ZNF423: variants seen among roughly 807,000 people sequenced by gnomAD.
ZNF423 encodes zinc finger protein 423.
A neutral mutation model predicts 95.8 loss-of-function variants in ZNF423; 12 were observed. The ratio of observed to expected loss-of-function variants is 0.13; its 90% CI spans 0.08 to 0.20. The LOEUF (loss-of-function observed/expected upper bound fraction) is 0.20, where lower values mean the gene tolerates loss of function less well. Among genes scored for constraint, ZNF423 ranks in the 10% least tolerant of loss-of-function variants. ZNF423 has a pLI of 1.00. For missense variants in ZNF423, 1,316 were observed against 1,737.1 expected, an observed-to-expected ratio of 0.76 and a Z score of 4.31; for synonymous variants, 749 against 711.9, an observed-to-expected ratio of 1.05 and a Z score of -0.83.
chr16:49,750,824 G>T (rs1333958889), intron 2 of ZNF423, among the ~76,000 whole-genome samples: 1 of 152,212 alleles, frequency 6.6e-6, no homozygotes, highest in Admixed American at 6.5e-5. Context: ...GTGAGGGAGG[G>T]AGAGCCTCAC....
chr16:49,512,809 T>G (rs1018944600), intron 7 of ZNF423, among the ~76,000 whole-genome samples: 1 of 152,238 alleles, frequency 6.6e-6, no homozygotes, highest in African/African-American at 2.4e-5. Context: ...TAGGAAATAA[T>G]GGGCGGCTGG....
intron 5 of ZNF423, among the ~76,000 whole-genome samples, chr16:49,598,209 A>G (rs1407213561): frequency 1.3e-5 from 2 of 152,246 alleles, no homozygotes; most frequent in African/African-American, 4.8e-5. Flanking sequence ...TAGCCTGACT[A>G]TACCTCCAGG....
chr16:49,573,848 A>C (rs1012947252), intron 5 of ZNF423, among the ~76,000 whole-genome samples: 55 of 152,200 alleles, frequency 3.6e-4, no homozygotes, highest in Admixed American at 2.6e-4. Context: ...ACCTTAGACA[A>C]GCCCCTTCCC....
chr16:49,712,031 G>A (rs944384436), intron 3 of ZNF423: 1 of 152,216 alleles, frequency 6.6e-6, no homozygotes, highest in African/African-American at 2.4e-5. Context: ...GCTGAGGCAG[G>A]AGAATCGCTT....
intron 3 of ZNF423, among the ~76,000 whole-genome samples, chr16:49,670,924 A>G (rs1028320054): frequency 1.3e-5 from 2 of 152,222 alleles, no homozygotes; most frequent in Non-Finnish European, 1.5e-5. Flanking sequence ...TGCAGCCTAG[A>G]TCGGAGGCTA....
intron 4 of ZNF423, among the ~76,000 whole-genome samples, chr16:49,633,865 C>T (rs542375668): frequency 1.3e-5 from 2 of 152,230 alleles, no homozygotes; most frequent in East Asian, 1.9e-4. Flanking sequence ...AGACTCCAGG[C>T]CCCAGCCAGA....
intron 1 of ZNF423, among the ~76,000 whole-genome samples, chr16:49,818,229 C>T (rs114691110): frequency 0.019 from 2,920 of 152,138 alleles, 92 homozygotes; most frequent in African/African-American, 0.065. Context: ...AGAGCAAAGC[C>T]ATATAAAAAT....
At chr16:49,822,305 C>G (rs150732319) in intron 1 of ZNF423, among the ~76,000 whole-genome samples, 2,447 of 152,086 alleles carry the variant, frequency 0.016, 24 homozygotes, top group Admixed American at 0.024. Flanking sequence ...TCCCAAGTAG[C>G]TGGGATTACA....
At chr16:49,741,435 A>G (rs1001298552) in intron 2 of ZNF423, among the ~76,000 whole-genome samples, 8 of 152,048 alleles carry the variant, frequency 5.3e-5, no homozygotes, top group African/African-American at 1.9e-4. Context: ...TGAACCTGGG[A>G]GGCAGAGATT....
chr16:49,523,573 G>C (rs1968487349), intron 7 of ZNF423, 51 bp downstream of exon 7: 1 of 1,521,074 alleles, frequency 6.6e-7, no homozygotes, highest in Non-Finnish European at 9.1e-7. Flanking sequence ...GGTGCTGACG[G>C]GGGAACCGAG....
At chr16:49,511,697 G>A (rs1967903905) in intron 7 of ZNF423, among the ~76,000 whole-genome samples, 1 of 152,198 alleles carries the variant, frequency 6.6e-6, no homozygotes, top group South Asian at 2.1e-4. Context: ...ACCACAAACT[G>A]CCACACATGG....
At chr16:49,730,472 T>C (rs1222230106) in intron 3 of ZNF423, 1 of 437,940 alleles carries the variant, frequency 2.3e-6, no homozygotes, top group Non-Finnish European at 4.1e-6. Flanking sequence ...CAAAAGGCCT[T>C]CCAGAAATTC....
chr16:49,590,012 G>A (rs1164984901), intron 5 of ZNF423, among the ~76,000 whole-genome samples: 1 of 112,760 alleles, frequency 8.9e-6, no homozygotes. Context: ...ATGGGATGGG[G>A]TAAAGGGGAA....
intron 2 of ZNF423, among the ~76,000 whole-genome samples, chr16:49,732,423 G>T (rs6500245): frequency 0.63 from 96,357 of 152,100 alleles, 30,685 homozygotes; most frequent in Admixed American, 0.69. Flanking sequence ...AGTGTGTGTT[G>T]TCTCTTCCCA....
At chr16:49,514,213 T>C (rs8051452) in intron 7 of ZNF423, among the ~76,000 whole-genome samples, 25,033 of 70,300 alleles carry the variant, frequency 0.36, 2,267 homozygotes, top group African/African-American at 0.52. Flanking sequence ...CACACACACA[T>C]GCACACGCAC....
intron 3 of ZNF423, among the ~76,000 whole-genome samples, chr16:49,716,790 G>A (rs1307748548): frequency 6.6e-6 from 1 of 152,210 alleles, no homozygotes; most frequent in East Asian, 1.9e-4. Context: ...GGGTGCTGGG[G>A]AGGCTGTGAC....
At chr16:49,700,482 C>T (rs2032142401) in intron 3 of ZNF423, among the ~76,000 whole-genome samples, 1 of 152,034 alleles carries the variant, frequency 6.6e-6, no homozygotes, top group African/African-American at 2.4e-5. Context: ...CTGACTGGGG[C>T]GGAGGGGCAG....
At chr16:49,792,877 G>A (rs950717389) in intron 1 of ZNF423, among the ~76,000 whole-genome samples, 8 of 151,896 alleles carry the variant, frequency 5.3e-5, no homozygotes, top group Admixed American at 2.0e-4. Flanking sequence ...TCCTCCCACC[G>A]AAGCCTCCTG....
chr16:49,511,441 CA>C (rs1199723182), intron 7 of ZNF423, among the ~76,000 whole-genome samples: 1 of 152,240 alleles, frequency 6.6e-6, no homozygotes, highest in Non-Finnish European at 1.5e-5. Context: ...CCTGGCCTCA[CA>C]TTTCTCCACG....
Sources: gnomAD v4.1 joint callset for allele counts (sites outside exome capture counted in the v4.1 genomes callset) on GRCh38, gnomAD v4.1.1 for gene constraint, MANE v1.5 for transcripts, NCBI Gene and HGNC (gene_info 2026-07-23, HGNC 2026-07-21) for gene names.